The following EXOC4 variants were observed in gnomAD, a reference collection of about 807,000 sequenced individuals.
The protein encoded by EXOC4 is exocyst complex component 4, also known as SEC8-like 1.
In EXOC4, 71 loss-of-function variants were observed where a neutral mutation model predicts 107.2. The ratio of observed to expected loss-of-function variants is 0.66; its 90% CI spans 0.55 to 0.81. The LOEUF is 0.81. Among genes scored for constraint, EXOC4 ranks in the 30% least tolerant of loss-of-function variants. The probability of loss-of-function intolerance (pLI) is 0.00; values close to 1 mark genes in which losing one functional copy is unlikely to be tolerated. For synonymous variants in EXOC4, 456 were observed against 441.2 expected (o/e 1.03, Z -0.42); for missense variants, 1,108 against 1,189.6 (o/e 0.93, Z 1.01).
intron 10 of EXOC4, among the ~76,000 whole-genome samples, chr7:133,764,800 G>T (rs982102206): frequency 2.0e-5 from 3 of 152,082 alleles, no homozygotes; most frequent in Non-Finnish European, 4.4e-5. Context: ...TCTGGAGAAT[G>T]ATGATGTCTG....
At chr7:133,406,579 T>G (rs1022589252) in intron 7 of EXOC4, among the ~76,000 whole-genome samples, 2 of 152,248 alleles carry the variant, frequency 1.3e-5, no homozygotes, top group African/African-American at 4.8e-5. Context: ...TGCAATTTCC[T>G]TGCTATCTTG....
chr7:133,268,248 T>G (rs139938970), intron 1 of EXOC4, among the ~76,000 whole-genome samples: 12 of 152,342 alleles, frequency 7.9e-5, no homozygotes, highest in African/African-American at 2.9e-4. Flanking sequence ...ATCTGGGTGT[T>G]TTAAAATTCC....
chr7:134,091,851 C>T, the EXOC4 span, among the ~76,000 whole-genome samples: 18 of 152,022 alleles, frequency 1.2e-4, no homozygotes, highest in African/African-American at 4.3e-4. Context: ...CAGAGTGTAC[C>T]CCTGTGTTTA....
At chr7:133,567,745 A>T (rs1413887437) in intron 9 of EXOC4, among the ~76,000 whole-genome samples, 1 of 152,200 alleles carries the variant, frequency 6.6e-6, no homozygotes, top group Non-Finnish European at 1.5e-5. Flanking sequence ...ATTCCGTAGC[A>T]GAAAGGCAAA....
At chr7:133,513,048 T>G (rs1370515811) in intron 9 of EXOC4, among the ~76,000 whole-genome samples, 1 of 152,106 alleles carries the variant, frequency 6.6e-6, no homozygotes, top group Non-Finnish European at 1.5e-5. Flanking sequence ...GAGGCTGCAG[T>G]GAGCCGAGAT....
intron 5 of EXOC4, among the ~76,000 whole-genome samples, chr7:133,331,359 G>T (rs1051974929): frequency 1.3e-5 from 2 of 151,338 alleles, no homozygotes; most frequent in Non-Finnish European, 2.9e-5. Flanking sequence ...TAGAGTAATA[G>T]GCAAAATTAT....
At chr7:133,281,767 T>C (rs1463608244) in intron 2 of EXOC4, among the ~76,000 whole-genome samples, 1 of 151,444 alleles carries the variant, frequency 6.6e-6, no homozygotes, top group Non-Finnish European at 1.5e-5. Flanking sequence ...AATGATATGA[T>C]CTCGGCTTAC....
chr7:133,470,142 A>G (rs1431735419), intron 7 of EXOC4, among the ~76,000 whole-genome samples: 1 of 152,192 alleles, frequency 6.6e-6, no homozygotes, highest in African/African-American at 2.4e-5. Flanking sequence ...AATACCTCAG[A>G]GATCTGAGTG....
intron 9 of EXOC4, among the ~76,000 whole-genome samples, chr7:133,610,332 T>C (rs1802048077): frequency 6.6e-6 from 1 of 152,224 alleles, no homozygotes; most frequent in Admixed American, 6.5e-5. Flanking sequence ...AAGTGGACTT[T>C]CAGCTTTTCT....
chr7:133,992,644 A>T (rs1280106863), intron 14 of EXOC4, among the ~76,000 whole-genome samples: 1 of 151,244 alleles, frequency 6.6e-6, no homozygotes, highest in African/African-American at 2.4e-5. Flanking sequence ...CAGTCCTAAG[A>T]GTTTTGGGGT....
rs112975213 is a variant in EXOC4 at position 133,427,925 on chromosome 7, A to G, written c.1183-47403A>G. Reference sequence around the variant, plus strand: ...TTGGTAGATTTTGAAGAGAGAATCAATTTCCTTATTACAGAAAAAGATGAG... The same window carrying G: ...TTGGTAGATTTTGAAGAGAGAATCAGTTTCCTTATTACAGAAAAAGATGAG... On this transcript the variant is annotated intron_variant, in intron 7 of 17. Transcript: ENST00000253861. 3.6e-3 allele frequency among the ~76,000 whole-genome samples: 552 copies of G among 152,278 alleles called. 5 individuals are homozygous for G. The highest frequency in any genetic ancestry group is 0.012 in the African/African-American group (515 of 41,558).
At chr7:133,575,541 G>T (rs1250995118) in intron 9 of EXOC4, among the ~76,000 whole-genome samples, 2 of 152,190 alleles carry the variant, frequency 1.3e-5, no homozygotes, top group East Asian at 1.9e-4. Flanking sequence ...CTGCTATGAT[G>T]GTAGGATAGG....
intron 13 of EXOC4, among the ~76,000 whole-genome samples, chr7:133,933,498 T>C (rs1347588276): frequency 2.0e-5 from 3 of 152,194 alleles, no homozygotes; most frequent in African/African-American, 7.2e-5. Context: ...TTTCTGTTAC[T>C]TCACCTTCTG....
intron 17 of EXOC4, among the ~76,000 whole-genome samples, chr7:134,052,751 G>C (rs527381202): frequency 5.3e-4 from 80 of 152,286 alleles, no homozygotes; most frequent in African/African-American, 1.9e-3. Flanking sequence ...GAAATTTCCA[G>C]TCATGCATCT....
chr7:133,546,275 G>A (rs1446206050), intron 9 of EXOC4, among the ~76,000 whole-genome samples: 1 of 52,554 alleles, frequency 1.9e-5, no homozygotes, highest in Non-Finnish European at 3.9e-5. Context: ...TTTTTTTTCC[G>A]AGATGGAGTC....
intron 7 of EXOC4, among the ~76,000 whole-genome samples, chr7:133,421,480 A>G (rs1406139636): frequency 6.6e-6 from 1 of 152,214 alleles, no homozygotes; most frequent in African/African-American, 2.4e-5. Flanking sequence ...CTACTGTACG[A>G]GTAGCAGAGA....
chr7:133,994,757 TTGTGTGTGTGTGTGTGTG>T (rs68167254), intron 14 of EXOC4, among the ~76,000 whole-genome samples: 1 of 148,490 alleles, frequency 6.7e-6, no homozygotes, highest in South Asian at 2.2e-4. Flanking sequence ...GTACAAGGTT[TTGTGTGTGTGTGTGTGTG>T]TGTGTGTGTG....
At chr7:134,051,707 C>A (rs1009685785) in intron 17 of EXOC4, among the ~76,000 whole-genome samples, 2 of 141,648 alleles carry the variant, frequency 1.4e-5, no homozygotes, top group African/African-American at 5.3e-5. Context: ...GCTACCTGGG[C>A]CGATGCAGAG....
intron 10 of EXOC4, 22 bp from the exon 11 acceptor site, chr7:133,817,303 C>A: frequency 1.3e-6 from 2 of 1,551,776 alleles, no homozygotes; most frequent in Non-Finnish European, 1.8e-6. Context: ...ATTTAATAAC[C>A]TTCTTACTGT....
Sources: gnomAD v4.1 joint callset for allele counts (sites outside exome capture counted in the v4.1 genomes callset) on GRCh38, gnomAD v4.1.1 for gene constraint, MANE v1.5 for transcripts, NCBI Gene and HGNC (gene_info 2026-07-23, HGNC 2026-07-21) for gene names.